The following SPG11 variants were observed in gnomAD, a reference collection of about 807,000 sequenced individuals.
The protein encoded by SPG11 is SPG11 vesicle trafficking associated, spatacsin.
SPG11 carries 222 observed loss-of-function variants against 274.0 expected under a neutral mutation model. The observed-to-expected ratio is 0.81, with a 90% CI of 0.73 to 0.91. The LOEUF is 0.91. Ranked by LOEUF, SPG11 falls within the 40% of genes least tolerant of loss-of-function variation. The probability of loss-of-function intolerance (pLI) is 0.00; values close to 1 mark genes in which losing one functional copy is unlikely to be tolerated. For synonymous variants in SPG11, 1,144 were observed against 1,039.7 expected (o/e 1.10, Z -1.93); for missense variants, 3,114 against 2,872.7 (o/e 1.08, Z -1.92).
chr15:44,659,093 C>T lies in SPG11; in HGVS notation c.653G>A (p.Ser218Asn). The T allele has an allele frequency of 6.2e-7, 1 of 1,614,158 alleles. No homozygotes were observed. ...ACCAAGGATACAGATCCAGCCTAAA[C>T]TACTCAAAACAAAAAGAATTCCTCT... The part of the protein sequence containing the change: ...LCRGILFVLS[S>N]LGWIYIFDVV... Residue 218 changes from serine to asparagine, a missense_variant, in exon 3 of 40, where the codon AGT becomes AAT. By Grantham distance (46) the Ser-to-Asn change is conservative. Coordinates refer to ENST00000261866, the MANE Select transcript of SPG11 (RefSeq NM_025137.4).
rs1304749852 is a variant in SPG11 at position 44,636,936 on chromosome 15, A to C, written c.1603-3299T>G. ...GCAAGACTCCATCTCAAAAAAAAAAAAAAAAAAAAAAAAAAAAAAAACAAA... is the reference window on the plus strand; with the variant it reads ...GCAAGACTCCATCTCAAAAAAAAAACAAAAAAAAAAAAAAAAAAAAACAAA... On this transcript the variant is annotated intron_variant, in intron 7 of 39. Coordinates refer to ENST00000261866, the MANE Select transcript of SPG11 (RefSeq NM_025137.4). Among the ~76,000 whole-genome samples, 320 of 119,028 alleles carry C rather than the reference A, an allele frequency of 2.7e-3. 1 individual carries two copies. The highest frequency in any genetic ancestry group is 4.7e-3 in the South Asian group (16 of 3,420). 78.1% of individuals were successfully genotyped at this position (119,028 alleles called of 152,430 possible). A position where few individuals can be genotyped will look rare whatever the true frequency, so the allele number is the denominator to read the frequency against.
At chr15:44,652,459 G>A (rs370096945) in intron 4 of SPG11, among the ~76,000 whole-genome samples, 193 bp from the exon 5 acceptor site, 4 of 152,070 alleles carry the variant, frequency 2.6e-5, no homozygotes, top group South Asian at 2.1e-4. Context: ...CTCTATTAAG[G>A]GCAGTTAGCT....
chr15:44,608,703 G>T, intron 18 of SPG11, 98 bp from the exon 19 acceptor site: 7 of 1,185,312 alleles, frequency 5.9e-6, no homozygotes, highest in Non-Finnish European at 8.4e-6. Context: ...ATTAGCTTGA[G>T]AAGAGTATGT....
intron 21 of SPG11, 176 bp downstream of exon 21, chr15:44,600,291 C>CT (rs2083152084): frequency 1.6e-6 from 1 of 620,366 alleles, no homozygotes; most frequent in Non-Finnish European, 2.8e-6. Context: ...TTTTATTTTA[C>CT]TTTTTTTGTT....
chr15:44,594,567 T>C (rs1452156317), intron 26 of SPG11, among the ~76,000 whole-genome samples: 4 of 132,550 alleles, frequency 3.0e-5, no homozygotes, highest in Non-Finnish European at 4.7e-5. Context: ...CTGGTCAACA[T>C]GGCAAAACCC....
rs748533566 is a variant in SPG11 at position 44,566,057 on chromosome 15, ACCT to A, written c.6844-51_6844-49del. 6.5e-5 allele frequency: 105 copies of A among 1,610,456 alleles called. No individual in the cohort carries two copies. The African/African-American group carries it at 1.1e-3, about 17-fold the overall frequency. ...CACAGTAGAGAAAGACCTAGTTGTCACCTCCTGTGTGAACCCTCACAACGGTAT... is the reference window on the plus strand; with the variant it reads ...CACAGTAGAGAAAGACCTAGTTGTCACCTGTGTGAACCCTCACAACGGTAT... On this transcript the variant is annotated intron_variant, in intron 37 of 39. Coordinates refer to ENST00000261866, the MANE Select transcript of SPG11 (RefSeq NM_025137.4).
chr15:44,608,718 G>C (rs951581851), intron 18 of SPG11, 113 bp from the exon 19 acceptor site: 1 of 990,834 alleles, frequency 1.0e-6, no homozygotes, highest in South Asian at 1.6e-5. Context: ...GTATGTGGTA[G>C]TGAATATAGC....
intron 7 of SPG11, among the ~76,000 whole-genome samples, chr15:44,638,499 AAC>A (rs1491156864): frequency 2.7e-3 from 323 of 121,266 alleles, no homozygotes; most frequent in African/African-American, 7.3e-3. Flanking sequence ...AAAACCACAA[AAC>A]CCCCCCCCCC....
In SPG11 at chr15:44,562,875, C is replaced by G; in HGVS notation, c.*246G>C. ...AGAAGCTGTCCTGAGGAAGAGGAAG[C>G]TTTTGATCTTAATACTAGTATCTAT... On this transcript the variant is annotated 3_prime_UTR_variant, in exon 40 of 40. Transcript: ENST00000261866. 2.1e-6 allele frequency: 1 copy of G among 471,502 alleles called. No individual in the cohort carries two copies. The highest frequency in any genetic ancestry group is 3.8e-6 in the Non-Finnish European group (1 of 261,198). The allele number at this position is 471,502 out of a possible 1,614,324, so 29.2% of individuals were successfully genotyped here. A position where few individuals can be genotyped will look rare whatever the true frequency, so the allele number is the denominator to read the frequency against.
At chr15:44,613,758 C>T (rs1034823172) in intron 16 of SPG11, among the ~76,000 whole-genome samples, 1 of 152,202 alleles carries the variant, frequency 6.6e-6, no homozygotes, top group Non-Finnish European at 1.5e-5. Context: ...ATGTTCACTA[C>T]CATGATGAAA....
intron 8 of SPG11, among the ~76,000 whole-genome samples, chr15:44,633,068 A>G (rs1450935283): frequency 8.5e-5 from 13 of 152,082 alleles, no homozygotes; most frequent in Non-Finnish European, 2.9e-5. Flanking sequence ...AAAGTTGTCC[A>G]GGCATGGTGG....
intron 26 of SPG11, among the ~76,000 whole-genome samples, chr15:44,593,888 G>A (rs1331663692): frequency 6.6e-6 from 1 of 150,726 alleles, no homozygotes; most frequent in African/African-American, 2.4e-5. Context: ...CAAGCAGCTG[G>A]GTTTACAGGT....
intron 1 of SPG11, 98 bp from the exon 2 acceptor site, chr15:44,660,714 A>G: frequency 8.9e-7 from 1 of 1,117,922 alleles, no homozygotes; most frequent in South Asian, 1.3e-5. Context: ...AGAACAGTTT[A>G]GTTGACCTGG....
chr15:44,618,556 G>A lies in SPG11; in HGVS notation c.2834+1634C>T, dbSNP rs1186879740. On this transcript the variant is annotated intron_variant, in intron 15 of 39. Transcript: ENST00000261866. Reference sequence around the variant, plus strand: ...AAAAAGGCCGGGCACGGTGGCTCACGCCTGTAATCCCAGCACTTTGGGAGG... The same window carrying A: ...AAAAAGGCCGGGCACGGTGGCTCACACCTGTAATCCCAGCACTTTGGGAGG... Among the ~76,000 whole-genome samples, 4 of 147,224 alleles carry A rather than the reference G, an allele frequency of 2.7e-5. No individual in the cohort carries two copies. In the East Asian group the frequency reaches 6.0e-4, roughly 22 times the overall value.
intron 22 of SPG11, 100 bp from the exon 23 acceptor site, chr15:44,598,473 T>C: frequency 1.5e-6 from 2 of 1,293,532 alleles, no homozygotes; most frequent in East Asian, 2.3e-5. Context: ...CAGAACCCAA[T>C]TAAAGTGCCC....
intron 30 of SPG11, among the ~76,000 whole-genome samples, chr15:44,577,849 A>T (rs954310570): frequency 1.3e-5 from 2 of 152,040 alleles, no homozygotes; most frequent in South Asian, 2.1e-4. Flanking sequence ...TGAGTGCGAG[A>T]GTGTGTGAAT....
chr15:44,625,480 A>C (rs998602848), intron 11 of SPG11, among the ~76,000 whole-genome samples: 24 of 152,102 alleles, frequency 1.6e-4, no homozygotes, highest in Non-Finnish European at 8.8e-5. Flanking sequence ...GTTGTTTAAA[A>C]GTGTGTAGCA....
At chr15:44,615,016 A>G (rs2083557875) in intron 16 of SPG11, among the ~76,000 whole-genome samples, 3 of 152,244 alleles carry the variant, frequency 2.0e-5, no homozygotes, top group Non-Finnish European at 4.4e-5. Context: ...AAAGTTGCTT[A>G]GCATTCTCTT....
intron 30 of SPG11, among the ~76,000 whole-genome samples, chr15:44,583,197 G>C (rs2082689408): frequency 6.6e-6 from 1 of 152,208 alleles, no homozygotes; most frequent in Non-Finnish European, 1.5e-5. Flanking sequence ...ACAGATTTCT[G>C]GCCGGGTGCG....
Sources: allele counts gnomAD v4.1 joint callset (sites outside exome capture counted in the v4.1 genomes callset), GRCh38; gene constraint gnomAD v4.1.1; transcripts MANE v1.5; gene names NCBI Gene and HGNC (gene_info 2026-07-23, HGNC 2026-07-21).